The following PVT1 variants were observed in gnomAD, a reference collection of about 807,000 sequenced individuals.
The protein encoded by PVT1 is CXCR4/PVT1 fusion.
chr8:127,952,073 C>A (rs1457630276), intron 3 of PVT1, among the ~76,000 whole-genome samples: 1 of 152,172 alleles, frequency 6.6e-6, no homozygotes, highest in Non-Finnish European at 1.5e-5. Flanking sequence ...CTTGGCCTCC[C>A]AAAGTGCTGA....
intron 3 of PVT1, among the ~76,000 whole-genome samples, chr8:127,952,193 G>A (rs779467641): frequency 1.3e-5 from 2 of 152,170 alleles, no homozygotes; most frequent in Non-Finnish European, 2.9e-5. Flanking sequence ...CCTGGCTCAC[G>A]ACCGATTGTA....
intron 3 of PVT1, among the ~76,000 whole-genome samples, chr8:127,922,675 C>G (rs1384347246): frequency 6.6e-6 from 1 of 152,212 alleles, no homozygotes; most frequent in African/African-American, 2.4e-5. Flanking sequence ...GTGTCCCCCA[C>G]TCTACTGCCA....
intron 4 of PVT1, among the ~76,000 whole-genome samples, chr8:128,069,413 T>G (rs889079712): frequency 1.3e-5 from 2 of 152,238 alleles, no homozygotes; most frequent in Non-Finnish European, 2.9e-5. Flanking sequence ...AAGGACAGCC[T>G]GACCCTCGCT....
At chr8:128,045,447 C>G (rs1177529505) in intron 4 of PVT1, among the ~76,000 whole-genome samples, 1 of 152,178 alleles carries the variant, frequency 6.6e-6, no homozygotes, top group Non-Finnish European at 1.5e-5. Flanking sequence ...CAGTTCTTAT[C>G]TTTATTTCAC....
intron 2 of PVT1, among the ~76,000 whole-genome samples, chr8:127,798,851 G>A (rs1338906535): frequency 6.6e-6 from 1 of 152,122 alleles, no homozygotes; most frequent in Non-Finnish European, 1.5e-5. Context: ...TCCTGCCTGG[G>A]AGATAGAGTA....
intron 4 of PVT1, among the ~76,000 whole-genome samples, chr8:127,994,263 G>T (rs1817078366): frequency 6.6e-6 from 1 of 152,126 alleles, no homozygotes; most frequent in South Asian, 2.1e-4. Flanking sequence ...TGCTGATGGG[G>T]GCTGTGTTTG....
At chr8:127,816,403 C>G (rs1174681443) in intron 2 of PVT1, among the ~76,000 whole-genome samples, 3 of 151,764 alleles carry the variant, frequency 2.0e-5, no homozygotes, top group Non-Finnish European at 4.4e-5. Flanking sequence ...TTATCTCGGC[C>G]TCTCAAAGTG....
chr8:128,022,266 T>C (rs1817447160), intron 4 of PVT1, among the ~76,000 whole-genome samples: 1 of 152,210 alleles, frequency 6.6e-6, no homozygotes, highest in Admixed American at 6.5e-5. Flanking sequence ...ATCAATTAAC[T>C]TGGAGTCTTG....
intron 4 of PVT1, among the ~76,000 whole-genome samples, chr8:128,041,515 A>G (rs1248975624): frequency 7.9e-6 from 1 of 125,946 alleles, no homozygotes; most frequent in South Asian, 2.6e-4. Flanking sequence ...GTGTGTGTGT[A>G]TGCATGTGTG....
At chr8:128,082,708 C>A (rs1419737936) in intron 5 of PVT1, 1 of 152,160 alleles carries the variant, frequency 6.6e-6, no homozygotes, top group Non-Finnish European at 1.5e-5. Context: ...AGGCAAAGCC[C>A]CTTACAAAGG....
chr8:128,022,705 C>T lies in PVT1; in HGVS notation n.912+33414C>T, dbSNP rs116017785. 1.8e-3 allele frequency among the ~76,000 whole-genome samples: 276 copies of T among 152,230 alleles called. 1 individual carries two copies. The highest frequency in any genetic ancestry group is 6.0e-3 in the South Asian group (29 of 4,818). On this transcript the variant is annotated intron_variant and non_coding_transcript_variant, in intron 4 of 10. Transcript: ENST00000651587. ...TCAGATACTAAGCTCAGTAACTTTA[C>T]GTAAGTAGCATAATTATATGGATCC...
intron 4 of PVT1, chr8:127,998,424 C>T (rs1817132005): frequency 6.6e-6 from 1 of 151,964 alleles, no homozygotes; most frequent in Admixed American, 6.6e-5. Context: ...TATTTTGTTG[C>T]TCATGGTTTT....
chr8:127,860,319 CT>C (rs996418523), intron 2 of PVT1, among the ~76,000 whole-genome samples: 8 of 152,208 alleles, frequency 5.3e-5, no homozygotes, highest in Non-Finnish European at 5.9e-5. Context: ...GAACCAAAGT[CT>C]TCTCGAAGGC....
intron 3 of PVT1, among the ~76,000 whole-genome samples, chr8:127,915,612 C>CAAAAA (rs61238663): frequency 0.015 from 962 of 64,478 alleles, 43 homozygotes; most frequent in African/African-American, 0.05. Context: ...AACTCCATCT[C>CAAAAA]AAAAAAAAAA....
In PVT1 at chr8:127,898,688, C is replaced by A. The variant is rs531902478; in HGVS notation, n.782+7690C>A. Reference sequence around the variant, plus strand: ...GGTGGCTCTCTTCCCTCTCACCTTCCCAGGAGGCAGATTATTTCCCTGTGG... The same window carrying A: ...GGTGGCTCTCTTCCCTCTCACCTTCACAGGAGGCAGATTATTTCCCTGTGG... On this transcript the variant is annotated intron_variant and non_coding_transcript_variant, in intron 3 of 10. Coordinates refer to ENST00000651587, the Ensembl canonical transcript of PVT1. The surrounding 1 kb of genome is among the most constrained non-coding windows in gnomAD (Gnocchi z 4.4). Among the ~76,000 whole-genome samples the A allele has an allele frequency of 1.3e-5, 2 of 152,280 alleles. No individual in the cohort carries two copies. The highest frequency in any genetic ancestry group is 4.2e-4 in the South Asian group (2 of 4,816).
At chr8:128,097,565 G>A (rs1479923965) in intron 6 of PVT1, among the ~76,000 whole-genome samples, 3 of 152,108 alleles carry the variant, frequency 2.0e-5, no homozygotes, top group Admixed American at 2.0e-4. Context: ...GCCAGTCGCA[G>A]GATTAGGCAG....
At chr8:127,962,212 GC>G (rs11331324) in intron 3 of PVT1, among the ~76,000 whole-genome samples, 7,839 of 152,278 alleles carry the variant, frequency 0.051, 259 homozygotes, top group Admixed American at 0.075. Context: ...TGATCCACCT[GC>G]CTTGGCCTCC....
intron 4 of PVT1, among the ~76,000 whole-genome samples, chr8:128,069,079 G>A (rs1813949333): frequency 1.3e-5 from 2 of 152,190 alleles, no homozygotes; most frequent in South Asian, 4.1e-4. Context: ...ACATCTGAAG[G>A]GTCATCATGG....
At position 127,860,053 on chromosome 8, in the gene PVT1, C is replaced by T. The variant is rs570723422; in HGVS notation, n.373-30536C>T. On this transcript the variant is annotated intron_variant and non_coding_transcript_variant, in intron 2 of 10. Coordinates refer to ENST00000651587, the Ensembl canonical transcript of PVT1. ...CCCCGTGACTGGCTGCGGCTGCCAG[C>T]GGTGATGAGAACTGATGACACTCCA... Among the ~76,000 whole-genome samples, 134 of 152,248 alleles carry T rather than the reference C, an allele frequency of 8.8e-4. 1 individual carries two copies. The highest frequency in any genetic ancestry group is 3.2e-3 in the African/African-American group (132 of 41,544).
Sources: gnomAD v4.1 joint callset for allele counts (sites outside exome capture counted in the v4.1 genomes callset) on GRCh38, gnomAD v4.1.1 for gene constraint, Gnocchi (gnomAD v3.1) non-coding constraint, MANE v1.5 for transcripts, NCBI Gene and HGNC (gene_info 2026-07-23, HGNC 2026-07-21) for gene names.